RCL1: variants seen among roughly 807,000 people sequenced by gnomAD.
The protein encoded by RCL1 is RNA 3'-terminal phosphate cyclase-like protein.
In RCL1, 24 loss-of-function variants were observed where a neutral mutation model predicts 42.4. The observed-to-expected ratio is 0.57, with a 90% CI of 0.41 to 0.80. The LOEUF (loss-of-function observed/expected upper bound fraction) is 0.80. Among genes scored for constraint, RCL1 ranks in the 30% least tolerant of loss-of-function variants. The pLI is 0.00. For synonymous variants in RCL1, 228 were observed against 177.3 expected (o/e 1.29, Z -2.27); for missense variants, 578 against 467.9 (o/e 1.24, Z -2.17).
intron 1 of RCL1, chr9:4,805,077 A>C (rs557187527): frequency 6.6e-6 from 1 of 152,518 alleles, no homozygotes; most frequent in South Asian, 2.1e-4. Flanking sequence ...TGGGGCCCTG[A>C]AGGCCCTCAG....
chr9:4,811,302 GA>G (rs1816166716), intron 1 of RCL1, among the ~76,000 whole-genome samples: 1 of 149,482 alleles, frequency 6.7e-6, no homozygotes, highest in Admixed American at 6.7e-5. Context: ...AAGGAAAAAA[GA>G]AAATATACAG....
At chr9:4,815,571 A>G (rs1295624133) in intron 1 of RCL1, among the ~76,000 whole-genome samples, 3 of 152,020 alleles carry the variant, frequency 2.0e-5, no homozygotes, top group African/African-American at 7.2e-5. Context: ...CCATGCTGAA[A>G]GGTACAGTAG....
intron 2 of RCL1, among the ~76,000 whole-genome samples, chr9:4,825,450 A>G (rs758835618): frequency 1.6e-4 from 25 of 152,308 alleles, no homozygotes; most frequent in Non-Finnish European, 3.1e-4. Flanking sequence ...TAACTGACCC[A>G]GAGTCCATTT....
rs140286709 is a variant in RCL1 at position 4,860,198 on chromosome 9, G to C, written c.1045G>C (p.Glu349Gln). The C allele has an allele frequency of 3.2e-5, 51 of 1,612,502 alleles. No homozygotes were observed. Among genetic ancestry groups the C allele is most frequent in the Non-Finnish European group, 4.2e-5 (49 of 1,179,472 alleles). Residue 349 changes from glutamate (E) to glutamine (Q), a missense_variant, in exon 9 of 9, where the codon GAA (glutamate) becomes CAA (glutamine). Glu to Gln is a conservative substitution (Grantham distance 29). Coordinates refer to ENST00000381750, the MANE Select transcript of RCL1 (RefSeq NM_005772.5). ...FKIETKPCGE[E>Q]LKGGDKVLMT... ...AATTGAAACCAAGCCATGTGGTGAA[G>C]AACTCAAGGGTGGGGATAAAGTGCT...
intron 1 of RCL1, 27 bp from the exon 2 acceptor site, chr9:4,823,521 T>G: frequency 1.3e-6 from 2 of 1,583,844 alleles, no homozygotes; most frequent in South Asian, 1.1e-5. Context: ...GTCTTCTCTT[T>G]TCTTCACAGA....
chr9:4,793,322 T>G, intron 1 of RCL1, 95 bp downstream of exon 1: 2 of 1,334,344 alleles, frequency 1.5e-6, no homozygotes, highest in Non-Finnish European at 2.0e-6. Context: ...GTTGGGCGGC[T>G]CGGCGTCCGG....
Position 4,826,961 on chromosome 9 carries a change from C to G in RCL1, c.312C>G (p.Cys104Trp), listed in dbSNP as rs41314197. ...GGTATTACCTGGAGAGTCTTCTTTG[C>G]TTGGCTCCATTTATGAAGCACCCGT... ...GIGYYLESLLCLAPFMKHPLK... is the reference protein window; with the variant it reads ...GIGYYLESLLWLAPFMKHPLK... The change falls in exon 3 of 9, where the codon TGC becomes TGG. Residue 104 changes from cysteine to tryptophan, a missense_variant. By Grantham distance (215) the Cys-to-Trp change is radical (BLOSUM62 -2). Coordinates refer to ENST00000381750, the MANE Select transcript of RCL1 (RefSeq NM_005772.5). 5,072 of 1,614,140 alleles carry G rather than the reference C, an allele frequency of 3.1e-3. 10 individuals carry two copies. Among genetic ancestry groups the G allele is most frequent in the Non-Finnish European group, 3.9e-3 (4,552 of 1,180,016 alleles).
At chr9:4,813,247 G>A (rs1022412609) in intron 1 of RCL1, among the ~76,000 whole-genome samples, 4 of 152,068 alleles carry the variant, frequency 2.6e-5, no homozygotes, top group Non-Finnish European at 5.9e-5. Flanking sequence ...GAGTGAACAG[G>A]CAACCTACAG....
intron 1 of RCL1, among the ~76,000 whole-genome samples, chr9:4,816,294 C>T (rs1368041966): frequency 6.6e-6 from 1 of 152,178 alleles, no homozygotes; most frequent in African/African-American, 2.4e-5. Context: ...TTGACACTTT[C>T]AGTGTAGTCT....
intron 1 of RCL1, among the ~76,000 whole-genome samples, chr9:4,802,558 C>G (rs553724978): frequency 6.6e-6 from 1 of 152,234 alleles, no homozygotes. Context: ...AAACATAATT[C>G]TCATCCTGAG....
At chr9:4,850,482 CTTTTTTTTTTCTTT>C in intron 8 of RCL1, 1 of 113,562 alleles carries the variant, frequency 8.8e-6, no homozygotes, top group Non-Finnish European at 1.8e-5. Context: ...CTTATGGAGG[CTTTTTTTTTTCTTT>C]TTTTTTTTTT....
chr9:4,836,949 C>T (rs1305056583), intron 5 of RCL1, among the ~76,000 whole-genome samples: 1 of 152,120 alleles, frequency 6.6e-6, no homozygotes, highest in Non-Finnish European at 1.5e-5. Context: ...GGCTGTCCCC[C>T]AGCCCATGTA....
intron 3 of RCL1, among the ~76,000 whole-genome samples, chr9:4,830,955 C>G (rs1816924075): frequency 6.6e-6 from 1 of 152,170 alleles, no homozygotes; most frequent in African/African-American, 2.4e-5. Context: ...GCAGAACTTA[C>G]AGGCCACCAT....
chr9:4,802,373 TA>T (rs1264996025), intron 1 of RCL1, among the ~76,000 whole-genome samples: 1 of 152,198 alleles, frequency 6.6e-6, no homozygotes, highest in Non-Finnish European at 1.5e-5. Context: ...TAATCTTGTC[TA>T]ATATACAAAA....
intron 3 of RCL1, 188 bp downstream of exon 3, chr9:4,827,221 T>G: frequency 6.6e-7 from 1 of 1,522,224 alleles, no homozygotes; most frequent in Non-Finnish European, 8.8e-7. Context: ...ATCATCAAAT[T>G]CAGGACTATT....
At chr9:4,841,417 GAA>G in intron 6 of RCL1, 60 bp downstream of exon 6, 1 of 1,413,940 alleles carries the variant, frequency 7.1e-7, no homozygotes, top group Non-Finnish European at 9.9e-7. Flanking sequence ...TGTTCTAGTT[GAA>G]GTTAAAACTG....
At chr9:4,798,401 A>C (rs1842947034) in intron 1 of RCL1, among the ~76,000 whole-genome samples, 1 of 152,258 alleles carries the variant, frequency 6.6e-6, no homozygotes, top group Non-Finnish European at 1.5e-5. Context: ...GCTACTACCC[A>C]GGATCCTGAG....
chr9:4,827,288 T>G, intron 3 of RCL1: 1 of 1,284,790 alleles, frequency 7.8e-7, no homozygotes. Context: ...AAACAGATGC[T>G]CTCCGTCTCA....
Position 4,793,079 on chromosome 9 carries a change from G to T in RCL1, c.-13G>T, listed in dbSNP as rs7020617. On this transcript the variant is annotated 5_prime_UTR_variant, in exon 1 of 9. Transcript: ENST00000381750. ...GCTCTCGGGCTGCTCACGTCTCTTC[G>T]GAGAGCGCGCACATGGCGACTCAGG... 1,942 of 1,606,642 alleles carry T rather than the reference G, an allele frequency of 1.2e-3. 24 individuals are homozygous for T. In the African/African-American group the frequency reaches 0.022, roughly 18 times the overall value.
Sources: gnomAD v4.1 joint callset for allele counts (sites outside exome capture counted in the v4.1 genomes callset) on GRCh38, gnomAD v4.1.1 for gene constraint, MANE v1.5 for transcripts, NCBI Gene and HGNC (gene_info 2026-07-23, HGNC 2026-07-21) for gene names.